Variants in BMP2K observed in about 807,000 individuals in gnomAD.
BMP2K encodes the protein BMP-2-inducible protein kinase.
A neutral mutation model predicts 116.0 loss-of-function variants in BMP2K; 74 were observed. The observed-to-expected ratio is 0.64, with a 90% CI of 0.53 to 0.77. The LOEUF (loss-of-function observed/expected upper bound fraction) is 0.77. Among genes scored for constraint, BMP2K ranks in the 30% least tolerant of loss-of-function variants. The pLI, the probability that BMP2K is intolerant of heterozygous loss-of-function variation, is 0.00. For missense variants in BMP2K, 1,365 were observed against 1,403.6 expected (o/e 0.97, Z 0.44); for synonymous variants, 486 against 502.5 (o/e 0.97, Z 0.44).
chr4:78,798,944 G>A (rs1407973505), intron 1 of BMP2K, among the ~76,000 whole-genome samples: 1 of 152,170 alleles, frequency 6.6e-6, no homozygotes, highest in Non-Finnish European at 1.5e-5. Flanking sequence ...TTTCTAGACC[G>A]TGCTGACACA....
chr4:78,806,400 A>G (rs367598411), intron 1 of BMP2K, among the ~76,000 whole-genome samples: 195 of 151,456 alleles, frequency 1.3e-3, no homozygotes, highest in African/African-American at 4.5e-3. Flanking sequence ...CTGGCCTTGA[A>G]CTCCTGGCTT....
At chr4:78,834,353 C>T (rs1730358280) in intron 3 of BMP2K, among the ~76,000 whole-genome samples, 1 of 151,778 alleles carries the variant, frequency 6.6e-6, no homozygotes, top group African/African-American at 2.4e-5. Context: ...GCTCGGCCTC[C>T]CGGGTTCATG....
intron 14 of BMP2K, among the ~76,000 whole-genome samples, chr4:78,884,973 G>A (rs1733010407): frequency 1.3e-5 from 2 of 152,138 alleles, no homozygotes; most frequent in Non-Finnish European, 1.5e-5. Flanking sequence ...ATGAGCATTT[G>A]TTACTGATTT....
chr4:78,843,223 C>T (rs1338445197), intron 4 of BMP2K, among the ~76,000 whole-genome samples: 1 of 151,900 alleles, frequency 6.6e-6, no homozygotes, highest in Non-Finnish European at 1.5e-5. Context: ...CCTAGATATT[C>T]CTCTGACTAC....
chr4:78,823,689 A>C (rs1037950321), intron 1 of BMP2K, among the ~76,000 whole-genome samples: 2 of 151,426 alleles, frequency 1.3e-5, no homozygotes, highest in African/African-American at 4.8e-5. Context: ...TTATAGGCCT[A>C]CTGATTCAGA....
Position 78,911,996 on chromosome 4 carries a change from A to G in BMP2K, c.3449A>G (p.Asp1150Gly), listed in dbSNP as rs1734655330. 6.2e-7 allele frequency: 1 copy of G among 1,613,302 alleles called. No individual in the cohort carries two copies. Among genetic ancestry groups the G allele is most frequent in the South Asian group, 1.1e-5 (1 of 91,008 alleles). ...CAACAGTCCCAACCAGTCGAATTAGACCCATTTGGTGCTGCTCCATTTCCT... is the reference window on the plus strand; with the variant it reads ...CAACAGTCCCAACCAGTCGAATTAGGCCCATTTGGTGCTGCTCCATTTCCT... ...QSQQSQPVEL[D>G]PFGAAPFPSK... The change falls in exon 16 of 16, where the codon GAC becomes GGC. Residue 1150 changes from aspartate (D) to glycine (G), a missense_variant. By Grantham distance (94) the Asp-to-Gly change is moderately conservative. Transcript: ENST00000502613.
intron 8 of BMP2K, 139 bp from the exon 9 acceptor site, chr4:78,861,250 T>C (rs1731771413): frequency 1.8e-6 from 1 of 565,288 alleles, no homozygotes; most frequent in Admixed American, 3.3e-5. Context: ...TACATGTGAA[T>C]AATTTATAGG....
intron 3 of BMP2K, among the ~76,000 whole-genome samples, chr4:78,834,260 TA>T (rs1467457772): frequency 6.8e-6 from 1 of 148,106 alleles, no homozygotes; most frequent in Non-Finnish European, 1.5e-5. Context: ...TCCTGACATT[TA>T]AATTTTTTTT....
chr4:78,851,185 A>G, intron 7 of BMP2K, 129 bp downstream of exon 7: 1 of 940,204 alleles, frequency 1.1e-6, no homozygotes, highest in Middle Eastern at 3.4e-4. Context: ...AGTAAAGAAA[A>G]AAACATTTAA....
At chr4:78,857,490 T>C (rs17003472) in intron 7 of BMP2K, among the ~76,000 whole-genome samples, 26,236 of 152,118 alleles carry the variant, frequency 0.17, 4,760 homozygotes, top group African/African-American at 0.46. Context: ...CTCAGTGCTT[T>C]TCAATTGCTA....
At chr4:78,829,800 C>T (rs1035693038) in intron 2 of BMP2K, among the ~76,000 whole-genome samples, 3 of 124,034 alleles carry the variant, frequency 2.4e-5, no homozygotes, top group East Asian at 2.1e-4. Flanking sequence ...CTCTTCTCTT[C>T]TCTTCTCTTC....
At chr4:78,865,776 A>C in intron 10 of BMP2K, 56 bp downstream of exon 10, 1 of 1,552,574 alleles carries the variant, frequency 6.4e-7, no homozygotes. Flanking sequence ...TAAACCTTTC[A>C]TGATTTGATT....
At chr4:78,817,292 A>C (rs1352358488) in intron 1 of BMP2K, among the ~76,000 whole-genome samples, 1 of 152,226 alleles carries the variant, frequency 6.6e-6, no homozygotes, top group East Asian at 1.9e-4. Flanking sequence ...GTTAAGGGAC[A>C]TAGTCCAACA....
At chr4:78,799,537 T>G (rs1292360750) in intron 1 of BMP2K, among the ~76,000 whole-genome samples, 1 of 152,228 alleles carries the variant, frequency 6.6e-6, no homozygotes, top group Non-Finnish European at 1.5e-5. Flanking sequence ...TTAGCTTACA[T>G]ACAAATGGAG....
intron 1 of BMP2K, among the ~76,000 whole-genome samples, chr4:78,779,557 C>G (rs1327588743): frequency 2.0e-5 from 3 of 152,108 alleles, no homozygotes; most frequent in Admixed American, 1.3e-4. Context: ...ACATTTTTCA[C>G]CATTGTGCAC....
chr4:78,801,600 T>G lies in BMP2K; in HGVS notation c.179-24437T>G, dbSNP rs546029424. Reference sequence around the variant, plus strand: ...CGGTGCTTTCTCATTATAGGTTTAATTCTTTTTCTTGCTTTGTTTTGGAAT... The same window carrying G: ...CGGTGCTTTCTCATTATAGGTTTAAGTCTTTTTCTTGCTTTGTTTTGGAAT... On this transcript the variant is annotated intron_variant, in intron 1 of 15. Coordinates refer to ENST00000502613, the MANE Select transcript of BMP2K (RefSeq NM_198892.2). Among the ~76,000 whole-genome samples the G allele has an allele frequency of 8.2e-4, 125 of 152,294 alleles. 4 individuals carry two copies. The South Asian group carries it at 0.018, about 22-fold the overall frequency.
chr4:78,891,926 T>C (rs1733460455), intron 15 of BMP2K, among the ~76,000 whole-genome samples: 1 of 152,164 alleles, frequency 6.6e-6, no homozygotes, highest in Non-Finnish European at 1.5e-5. Flanking sequence ...ATGAGACTAG[T>C]GGGAAATGCC....
intron 1 of BMP2K, among the ~76,000 whole-genome samples, chr4:78,788,065 T>G (rs2109927738): frequency 6.6e-6 from 1 of 152,204 alleles, no homozygotes; most frequent in South Asian, 2.1e-4. Flanking sequence ...TTTTTTTTCC[T>G]GAATCTTGTC....
chr4:78,877,132 C>T (rs910321679), intron 13 of BMP2K, among the ~76,000 whole-genome samples: 4 of 151,888 alleles, frequency 2.6e-5, no homozygotes, highest in South Asian at 2.1e-4. Flanking sequence ...ATGAGTGAGT[C>T]GTGAGTGAAC....
Sources: gnomAD v4.1 joint callset for allele counts (sites outside exome capture counted in the v4.1 genomes callset) on GRCh38, gnomAD v4.1.1 for gene constraint, MANE v1.5 for transcripts, NCBI Gene and HGNC (gene_info 2026-07-23, HGNC 2026-07-21) for gene names.